Variants in EEFSEC observed in about 807,000 individuals in gnomAD.
The protein encoded by EEFSEC is eukaryotic elongation factor, selenocysteine-tRNA specific.
A neutral mutation model predicts 42.1 loss-of-function variants in EEFSEC; 43 were observed. The ratio of observed to expected loss-of-function variants is 1.02; its 90% CI spans 0.80 to 1.32. The LOEUF (loss-of-function observed/expected upper bound fraction) is 1.32. Among genes scored for constraint, EEFSEC ranks in the 40% most tolerant of loss-of-function variants. The pLI is 0.00. For missense variants in EEFSEC, 745 were observed against 803.6 expected (o/e 0.93, Z 0.88); for synonymous variants, 354 against 339.1 (o/e 1.04, Z -0.48).
intron 1 of EEFSEC, among the ~76,000 whole-genome samples, chr3:128,211,344 C>T (rs1404135772): frequency 6.6e-6 from 1 of 152,008 alleles, no homozygotes; most frequent in Non-Finnish European, 1.5e-5. Flanking sequence ...GCCTTGAACT[C>T]CTGGGTTCAA....
chr3:128,363,727 A>G lies in EEFSEC; in HGVS notation c.1600+5354A>G, dbSNP rs114798651. ...GCCATGCAGAAGGGGATGGATTTAC[A>G]TGGAATAGGAAGTGTTGCTTGCATG... On this transcript the variant is annotated intron_variant, in intron 6 of 6. Transcript: ENST00000254730. 2.2e-3 allele frequency among the ~76,000 whole-genome samples: 336 copies of G among 152,320 alleles called. 2 individuals are homozygous for G. Among genetic ancestry groups the G allele is most frequent in the African/African-American group, 7.8e-3 (324 of 41,580 alleles).
chr3:128,203,682 T>C (rs1380529320), intron 1 of EEFSEC, among the ~76,000 whole-genome samples: 1 of 152,222 alleles, frequency 6.6e-6, no homozygotes, highest in East Asian at 1.9e-4. Flanking sequence ...CTACCTTTTT[T>C]TATCATGCAA....
At chr3:128,201,444 T>G (rs1333420639) in intron 1 of EEFSEC, among the ~76,000 whole-genome samples, 1 of 152,232 alleles carries the variant, frequency 6.6e-6, no homozygotes, top group East Asian at 1.9e-4. Context: ...GTGGTTTTAT[T>G]TTGCATTTCT....
intron 4 of EEFSEC, among the ~76,000 whole-genome samples, chr3:128,287,061 C>T (rs560190903): frequency 1.3e-5 from 2 of 152,328 alleles, no homozygotes; most frequent in East Asian, 3.9e-4. Context: ...ATTGTGAAGC[C>T]TGTGAACAAG....
At chr3:128,407,768 G>A (rs141480074) in intron 6 of EEFSEC, among the ~76,000 whole-genome samples, 31 of 152,314 alleles carry the variant, frequency 2.0e-4, no homozygotes, top group Non-Finnish European at 3.8e-4. Flanking sequence ...CGAGTTTCCA[G>A]ACGTGGACTT....
chr3:128,259,058 G>A (rs1012174936), intron 2 of EEFSEC, among the ~76,000 whole-genome samples: 1 of 152,224 alleles, frequency 6.6e-6, no homozygotes, highest in African/African-American at 2.4e-5. Flanking sequence ...ATGAAATAGG[G>A]GGAGGAAGAA....
chr3:128,367,547 C>T lies in EEFSEC; in HGVS notation c.1600+9174C>T, dbSNP rs188644207. On this transcript the variant is annotated intron_variant, in intron 6 of 6. Coordinates refer to ENST00000254730, the MANE Select transcript of EEFSEC (RefSeq NM_021937.5). ...GAACCAGCCACCTGCTGTGTGGACTCCTGTGCCTGTAAGCAAGAGCCACAT... is the reference window on the plus strand; with the variant it reads ...GAACCAGCCACCTGCTGTGTGGACTTCTGTGCCTGTAAGCAAGAGCCACAT... 857 of 779,338 alleles carry T rather than the reference C, an allele frequency of 1.1e-3. 4 individuals are homozygous for T. The highest frequency in any genetic ancestry group is 1.2e-3 in the Non-Finnish European group (798 of 641,982). The allele number at this position is 779,338 out of a possible 1,614,324, so 48.3% of individuals were successfully genotyped here.
intron 1 of EEFSEC, among the ~76,000 whole-genome samples, chr3:128,200,623 A>G (rs1348807406): frequency 6.6e-6 from 1 of 152,248 alleles, no homozygotes; most frequent in African/African-American, 2.4e-5. Flanking sequence ...ATGTTTTTAC[A>G]GATCCCCAGC....
intron 1 of EEFSEC, among the ~76,000 whole-genome samples, chr3:128,183,041 C>T (rs1471389197): frequency 1.3e-5 from 2 of 152,108 alleles, no homozygotes; most frequent in Non-Finnish European, 2.9e-5. Context: ...CTAGTTTTAC[C>T]ATTTTACTAG....
chr3:128,217,829 G>C (rs2065825463), intron 1 of EEFSEC, among the ~76,000 whole-genome samples: 1 of 152,180 alleles, frequency 6.6e-6, no homozygotes, highest in African/African-American at 2.4e-5. Context: ...TCATGAGAAA[G>C]AGTCAAATAT....
At chr3:128,334,418 T>C (rs1034594305) in intron 4 of EEFSEC, among the ~76,000 whole-genome samples, 2 of 152,144 alleles carry the variant, frequency 1.3e-5, no homozygotes, top group Admixed American at 1.3e-4. Flanking sequence ...GAGCCCCGAG[T>C]CTGGCAGGGC....
intron 1 of EEFSEC, among the ~76,000 whole-genome samples, chr3:128,173,517 T>G (rs1176200012): frequency 6.6e-6 from 1 of 152,234 alleles, no homozygotes; most frequent in Non-Finnish European, 1.5e-5. Flanking sequence ...GAGTGCATTC[T>G]GCAAGAAAAT....
rs1461384673 is a variant in EEFSEC, at chr3:128,292,461, G to C, written c.786+27680G>C. On this transcript the variant is annotated intron_variant, in intron 4 of 6. Coordinates refer to ENST00000254730, the MANE Select transcript of EEFSEC (RefSeq NM_021937.5). ...TATGAGGGCATATAGTTTTCTTTAA[G>C]AGGAGTCTTTTAATTATGTATTTAA... 2.0e-5 allele frequency among the ~76,000 whole-genome samples: 3 copies of C among 151,746 alleles called. No homozygotes were observed. In the East Asian group the frequency reaches 5.8e-4, roughly 29 times the overall value.
intron 6 of EEFSEC, among the ~76,000 whole-genome samples, chr3:128,385,617 T>C (rs2067829441): frequency 6.6e-6 from 1 of 152,234 alleles, no homozygotes; most frequent in Admixed American, 6.5e-5. Context: ...ATTTACTACA[T>C]GCCCAGCACG....
At chr3:128,387,064 TG>T (rs2067848316) in intron 6 of EEFSEC, among the ~76,000 whole-genome samples, 1 of 152,208 alleles carries the variant, frequency 6.6e-6, no homozygotes, top group Non-Finnish European at 1.5e-5. Flanking sequence ...GTGAGGAGGA[TG>T]GACAACTTGC....
chr3:128,161,562 T>C (rs2065187783), intron 1 of EEFSEC, among the ~76,000 whole-genome samples: 1 of 152,156 alleles, frequency 6.6e-6, no homozygotes, highest in African/African-American at 2.4e-5. Context: ...GCAAAAGACT[T>C]CTAAGTCTGA....
chr3:128,408,004 C>T (rs916425069), intron 6 of EEFSEC, 65 bp from the exon 7 acceptor site: 24 of 1,429,866 alleles, frequency 1.7e-5, no homozygotes, highest in African/African-American at 1.4e-4. Flanking sequence ...AGCAGGTGCG[C>T]GGGCAGGGAG....
chr3:128,367,180 C>A (rs1213375648), intron 6 of EEFSEC, among the ~76,000 whole-genome samples: 1 of 152,228 alleles, frequency 6.6e-6, no homozygotes, highest in Non-Finnish European at 1.5e-5. Context: ...GGCCCTGCCT[C>A]CAAATACAGT....
chr3:128,260,809 C>A (rs2066288700), intron 2 of EEFSEC, among the ~76,000 whole-genome samples: 1 of 152,150 alleles, frequency 6.6e-6, no homozygotes. Flanking sequence ...GGTTAATTTC[C>A]AGAGTTCTGA....
Sources: gnomAD v4.1 joint callset for allele counts (sites outside exome capture counted in the v4.1 genomes callset) on GRCh38, gnomAD v4.1.1 for gene constraint, MANE v1.5 for transcripts, NCBI Gene and HGNC (gene_info 2026-07-23, HGNC 2026-07-21) for gene names.